The following SLC7A11 variants were observed in gnomAD, a reference collection of about 807,000 sequenced individuals.
SLC7A11 encodes the protein solute carrier family 7 member 11.
Under a neutral mutation model 54.5 loss-of-function variants are expected in SLC7A11, and 35 were observed. That is an observed-to-expected ratio of 0.64 (90% CI 0.49 to 0.85). The LOEUF is 0.85. SLC7A11 is among the 40% of genes least tolerant of loss of function. SLC7A11 has a pLI of 0.00. For missense variants in SLC7A11, 583 were observed against 618.1 expected (o/e 0.94, Z 0.60); for synonymous variants, 230 against 225.2 (o/e 1.02, Z -0.19).
At chr4:138,220,016 T>C (rs1294030074) in intron 4 of SLC7A11, among the ~76,000 whole-genome samples, 1 of 149,950 alleles carries the variant, frequency 6.7e-6, no homozygotes, top group African/African-American at 2.5e-5. Context: ...CTTGGCTCAC[T>C]GCAACCTCCG....
At chr4:138,208,191 A>G (rs1737456030) in intron 6 of SLC7A11, among the ~76,000 whole-genome samples, 1 of 152,134 alleles carries the variant, frequency 6.6e-6, no homozygotes, top group Non-Finnish European at 1.5e-5. Flanking sequence ...CTGATTATTT[A>G]AACCTTCTAT....
intron 6 of SLC7A11, among the ~76,000 whole-genome samples, chr4:138,189,374 A>C (rs1578639901): frequency 6.6e-6 from 1 of 152,264 alleles, no homozygotes; most frequent in Non-Finnish European, 1.5e-5. Context: ...GCAATTTTTA[A>C]ACAAGAAAAC....
At chr4:138,190,050 G>A (rs1736971829) in intron 6 of SLC7A11, among the ~76,000 whole-genome samples, 1 of 152,140 alleles carries the variant, frequency 6.6e-6, no homozygotes, top group Non-Finnish European at 1.5e-5. Context: ...CCCTCTGTTG[G>A]ACACATACAA....
intron 5 of SLC7A11, among the ~76,000 whole-genome samples, chr4:138,218,622 T>A (rs1737733801): frequency 6.6e-6 from 1 of 152,164 alleles, no homozygotes; most frequent in South Asian, 2.1e-4. Context: ...TGGACATACA[T>A]CAAAGGAAAT....
chr4:138,203,264 A>G (rs1216837499), intron 6 of SLC7A11, among the ~76,000 whole-genome samples: 1 of 152,094 alleles, frequency 6.6e-6, no homozygotes, highest in African/African-American at 2.4e-5. Context: ...CAACCTGAAT[A>G]TCCCCTAAAT....
intron 6 of SLC7A11, among the ~76,000 whole-genome samples, chr4:138,189,141 G>A (rs942735901): frequency 6.6e-6 from 1 of 152,132 alleles, no homozygotes; most frequent in African/African-American, 2.4e-5. Context: ...TCTAAAACAT[G>A]TGCTTAGAAG....
At chr4:138,234,487 T>C (rs1738157041) in intron 2 of SLC7A11, among the ~76,000 whole-genome samples, 1 of 152,178 alleles carries the variant, frequency 6.6e-6, no homozygotes, top group African/African-American at 2.4e-5. Context: ...AAGAGATATA[T>C]GAACATATTT....
At chr4:138,217,747 G>A (rs903681794) in intron 5 of SLC7A11, among the ~76,000 whole-genome samples, 14 of 152,090 alleles carry the variant, frequency 9.2e-5, no homozygotes, top group Non-Finnish European at 1.6e-4. Context: ...CTACCTCCCC[G>A]CTTTGCTCTG....
chr4:138,223,178 C>A, intron 4 of SLC7A11, 21 bp downstream of exon 4: 1 of 1,599,860 alleles, frequency 6.3e-7, no homozygotes, highest in Non-Finnish European at 8.5e-7. Flanking sequence ...TTTTAAAAAG[C>A]ATTTGCTTTT....
intron 11 of SLC7A11, among the ~76,000 whole-genome samples, chr4:138,173,780 TAAAC>T (rs1736497446): frequency 1.3e-5 from 2 of 152,034 alleles, no homozygotes; most frequent in Admixed American, 1.3e-4. Flanking sequence ...GTTTCCTAAA[TAAAC>T]TGTATTTTAC....
intron 1 of SLC7A11, among the ~76,000 whole-genome samples, chr4:138,239,628 C>T (rs1039510707): frequency 3.3e-5 from 5 of 152,048 alleles, no homozygotes; most frequent in African/African-American, 1.2e-4. Flanking sequence ...CAAAGAATAC[C>T]AACTCAAGTG....
At position 138,168,597 on chromosome 4, in the gene SLC7A11, A is replaced by G. The variant is rs1166284336; in HGVS notation, c.*3359T>C. On this transcript the variant is annotated 3_prime_UTR_variant, in exon 12 of 12. Transcript: ENST00000280612. The stretch of plus-strand genomic sequence containing the variant: ...ATGTCAAATTGTAATTGGGGAAACA[A>G]TTTTACCAGACACATAAGACGAACA... The G allele has an allele frequency of 6.6e-6, 1 of 152,194 alleles. No homozygotes were observed. Among genetic ancestry groups the G allele is most frequent in the African/African-American group, 2.4e-5 (1 of 41,456 alleles). 9.4% of individuals were successfully genotyped at this position (152,194 alleles called of 1,614,324 possible). A position where few individuals can be genotyped will look rare whatever the true frequency, so the allele number is the denominator to read the frequency against.
At chr4:138,189,435 C>T (rs1320622191) in intron 6 of SLC7A11, among the ~76,000 whole-genome samples, 3 of 152,000 alleles carry the variant, frequency 2.0e-5, no homozygotes, top group East Asian at 3.9e-4. Flanking sequence ...AAGTAGTAAG[C>T]GGGAGGGCTG....
chr4:138,225,031 C>G (rs1470902388), intron 3 of SLC7A11, among the ~76,000 whole-genome samples: 8 of 149,672 alleles, frequency 5.3e-5, no homozygotes, highest in Admixed American at 5.3e-4. Context: ...GAATTGTATA[C>G]TTGAAATATA....
At chr4:138,220,821 T>A (rs1737792920) in intron 4 of SLC7A11, among the ~76,000 whole-genome samples, 1 of 152,184 alleles carries the variant, frequency 6.6e-6, no homozygotes. Context: ...AAGTCAAATC[T>A]CAGTTTTTCC....
intron 5 of SLC7A11, among the ~76,000 whole-genome samples, chr4:138,218,256 T>C (rs1737725986): frequency 3.3e-5 from 5 of 152,220 alleles, no homozygotes; most frequent in Admixed American, 3.3e-4. Flanking sequence ...AATGCATTCA[T>C]ATAATTTTTT....
intron 6 of SLC7A11, among the ~76,000 whole-genome samples, chr4:138,208,666 T>G (rs1431976886): frequency 1.3e-5 from 2 of 152,060 alleles, no homozygotes; most frequent in Non-Finnish European, 2.9e-5. Context: ...AAAATTCAGT[T>G]ATTCCTTGGG....
intron 9 of SLC7A11, among the ~76,000 whole-genome samples, chr4:138,181,724 G>A (rs779901176): frequency 2.6e-5 from 4 of 152,044 alleles, no homozygotes; most frequent in Non-Finnish European, 4.4e-5. Flanking sequence ...ACAGTCTTTT[G>A]TAGCTCACAT....
chr4:138,198,968 T>C (rs1276146995), intron 6 of SLC7A11, among the ~76,000 whole-genome samples: 1 of 152,100 alleles, frequency 6.6e-6, no homozygotes, highest in Non-Finnish European at 1.5e-5. Context: ...TAGAAAGAGC[T>C]GGAGTTGAGC....
Sources: gnomAD v4.1 joint callset for allele counts (sites outside exome capture counted in the v4.1 genomes callset) on GRCh38, gnomAD v4.1.1 for gene constraint, MANE v1.5 for transcripts, NCBI Gene and HGNC (gene_info 2026-07-23, HGNC 2026-07-21) for gene names.